ANKS1B: variants seen among roughly 807,000 people sequenced by gnomAD.
The protein encoded by ANKS1B is ankyrin repeat and sterile alpha motif domain containing 1B.
In ANKS1B, 36 loss-of-function variants were observed where a neutral mutation model predicts 148.3. That is an observed-to-expected ratio of 0.24 (90% confidence interval 0.19 to 0.32). The LOEUF is 0.32. Among genes scored for constraint, ANKS1B ranks in the 10% least tolerant of loss-of-function variants. The pLI, the probability that ANKS1B is intolerant of heterozygous loss-of-function variation, is 1.00. For synonymous variants in ANKS1B, 542 were observed against 560.8 expected (o/e 0.97, Z 0.47); for missense variants, 1,157 against 1,542.6 (o/e 0.75, Z 4.19).
In ANKS1B at chr12:98,751,575, G is replaced by A; in HGVS notation, c.3580-53C>T. The A allele has an allele frequency of 6.4e-7, 1 of 1,569,290 alleles. No individual in the cohort carries two copies. Reference sequence around the variant, plus strand: ...TACTGGCACACTGCAAATTAGAATGGGTCGAATGGCTGAGGAACACTGAGG... The same window carrying A: ...TACTGGCACACTGCAAATTAGAATGAGTCGAATGGCTGAGGAACACTGAGG... On this transcript the variant is annotated intron_variant, in intron 25 of 26. Transcript: ENST00000683438. This position sits in a 1 kb window ranked among gnomAD's most constrained non-coding sequence, Gnocchi z 4.3.
intron 9 of ANKS1B, among the ~76,000 whole-genome samples, chr12:99,584,091 T>A (rs1242551462): frequency 6.6e-6 from 1 of 152,082 alleles, no homozygotes; most frequent in Non-Finnish European, 1.5e-5. Flanking sequence ...GATATGACAA[T>A]GTAAAAAGGT....
intron 9 of ANKS1B, among the ~76,000 whole-genome samples, chr12:99,531,450 G>A (rs1256173125): frequency 2.0e-5 from 3 of 152,090 alleles, no homozygotes; most frequent in Non-Finnish European, 4.4e-5. Flanking sequence ...TTATAAGTAG[G>A]AATATGTGGT....
At chr12:98,754,479 T>G (rs559336053) in intron 25 of ANKS1B, among the ~76,000 whole-genome samples, 1 of 152,318 alleles carries the variant, frequency 6.6e-6, no homozygotes, top group East Asian at 1.9e-4. Flanking sequence ...CATGCTACTG[T>G]GGAAGATGGC....
intron 9 of ANKS1B, among the ~76,000 whole-genome samples, chr12:99,539,874 G>A (rs2097108552): frequency 6.6e-6 from 1 of 151,956 alleles, no homozygotes. Context: ...AGCCAAGCCA[G>A]ATAAATTTTG....
intron 11 of ANKS1B, among the ~76,000 whole-genome samples, chr12:99,430,275 A>T (rs2095346655): frequency 6.6e-6 from 1 of 152,198 alleles, no homozygotes; most frequent in South Asian, 2.1e-4. Context: ...AGACAGGTAC[A>T]GTGGGAGTAG....
At chr12:99,161,853 A>C (rs1193699417) in intron 14 of ANKS1B, among the ~76,000 whole-genome samples, 2 of 152,228 alleles carry the variant, frequency 1.3e-5, no homozygotes, top group Non-Finnish European at 2.9e-5. Flanking sequence ...GATAGACAAC[A>C]GAAAGATTAG....
At chr12:99,925,965 T>C (rs1213534794) in intron 1 of ANKS1B, among the ~76,000 whole-genome samples, 6 of 152,048 alleles carry the variant, frequency 3.9e-5, no homozygotes, top group Non-Finnish European at 8.8e-5. Flanking sequence ...GCCTCACACC[T>C]AAATGGATAG....
intron 12 of ANKS1B, among the ~76,000 whole-genome samples, chr12:99,373,971 CA>C (rs765131093): frequency 6.6e-6 from 1 of 151,760 alleles, no homozygotes; most frequent in Non-Finnish European, 1.5e-5. Flanking sequence ...AGTCATGTAA[CA>C]AAAAAAACAC....
chr12:99,960,340 A>G (rs2095392713), intron 1 of ANKS1B, among the ~76,000 whole-genome samples: 1 of 152,224 alleles, frequency 6.6e-6, no homozygotes, highest in South Asian at 2.1e-4. Context: ...CTGGCCTCAC[A>G]GGTATCTAAA....
intron 22 of ANKS1B, among the ~76,000 whole-genome samples, chr12:98,798,423 GA>G (rs1366408650): frequency 6.6e-6 from 1 of 151,354 alleles, no homozygotes; most frequent in African/African-American, 2.4e-5. Context: ...GCCCGGCCTG[GA>G]ATTGCCATTT....
intron 14 of ANKS1B, among the ~76,000 whole-genome samples, chr12:99,219,060 C>T (rs1456180464): frequency 6.6e-6 from 1 of 152,124 alleles, no homozygotes; most frequent in Admixed American, 6.5e-5. Flanking sequence ...TCAGATGATT[C>T]CTTCAGAGAA....
At chr12:99,251,250 C>G (rs2074547367) in intron 12 of ANKS1B, among the ~76,000 whole-genome samples, 1 of 152,188 alleles carries the variant, frequency 6.6e-6, no homozygotes, top group South Asian at 2.1e-4. Context: ...TATGTTTCTA[C>G]TATTATAACA....
intron 15 of ANKS1B, among the ~76,000 whole-genome samples, chr12:99,139,505 T>C (rs558154562): frequency 7.5e-6 from 1 of 133,576 alleles, no homozygotes; most frequent in South Asian, 2.6e-4. Flanking sequence ...CTTCAACTCC[T>C]GGTCTCAGGC....
intron 16 of ANKS1B, among the ~76,000 whole-genome samples, chr12:99,060,918 T>G (rs771656366): frequency 2.8e-4 from 43 of 152,176 alleles, no homozygotes; most frequent in Non-Finnish European, 4.4e-4. Context: ...AGAAAAGTAG[T>G]TCTTGATGGG....
At chr12:99,409,154 A>T (rs1029618708) in intron 11 of ANKS1B, among the ~76,000 whole-genome samples, 3 of 152,252 alleles carry the variant, frequency 2.0e-5, no homozygotes, top group African/African-American at 4.8e-5. Flanking sequence ...ACACAATGGC[A>T]TACTATTCGG....
chr12:99,704,567 C>A (rs1342199526), intron 8 of ANKS1B, among the ~76,000 whole-genome samples: 1 of 144,570 alleles, frequency 6.9e-6, no homozygotes, highest in Non-Finnish European at 1.5e-5. Context: ...CATACACATA[C>A]ATATACACAC....
intron 17 of ANKS1B, among the ~76,000 whole-genome samples, chr12:98,874,075 C>T (rs2099680602): frequency 6.6e-6 from 1 of 152,084 alleles, no homozygotes; most frequent in Admixed American, 6.6e-5. Flanking sequence ...TGACTACTGT[C>T]CTCTATAAAT....
At chr12:99,647,856 T>C in intron 9 of ANKS1B, 1 of 332,514 alleles carries the variant, frequency 3.0e-6, no homozygotes, top group Non-Finnish European at 5.6e-6. Context: ...CAGGCTCAAA[T>C]GGAGGTCCCT....
intron 9 of ANKS1B, among the ~76,000 whole-genome samples, chr12:99,518,958 T>A (rs1011239318): frequency 6.6e-6 from 1 of 152,114 alleles, no homozygotes; most frequent in African/African-American, 2.4e-5. Context: ...TTTTTCAATT[T>A]CCTTCTTAAT....
Sources: gnomAD v4.1 joint callset for allele counts (sites outside exome capture counted in the v4.1 genomes callset) on GRCh38, gnomAD v4.1.1 for gene constraint, Gnocchi (gnomAD v3.1) non-coding constraint, MANE v1.5 for transcripts, NCBI Gene and HGNC (gene_info 2026-07-23, HGNC 2026-07-21) for gene names.